IL1RAPL1: variants seen among roughly 807,000 people sequenced by gnomAD.
IL1RAPL1 encodes the protein interleukin 1 receptor accessory protein like 1.
A neutral mutation model predicts 48.4 loss-of-function variants in IL1RAPL1; 3 were observed. That is an observed-to-expected ratio of 0.06 (90% confidence interval 0.03 to 0.16). The LOEUF is 0.16. Among genes scored for constraint, IL1RAPL1 ranks in the 10% least tolerant of loss-of-function variants. The pLI, the probability that IL1RAPL1 is intolerant of heterozygous loss-of-function variation, is 1.00. For synonymous variants in IL1RAPL1, 185 were observed against 187.7 expected (o/e 0.99, Z 0.12); for missense variants, 349 against 530.6 (o/e 0.66, Z 3.36).
chrX:28,738,981 G>A (rs1935876650), intron 1 of IL1RAPL1, among the ~76,000 whole-genome samples: 1 of 110,661 alleles, frequency 9.0e-6, no homozygotes, highest in Admixed American at 9.7e-5. Flanking sequence ...CCATCTTGTA[G>A]TCTCAATTTA....
intron 2 of IL1RAPL1, among the ~76,000 whole-genome samples, chrX:29,028,460 G>A (rs1254350056): frequency 9.2e-6 from 1 of 108,986 alleles, no homozygotes; most frequent in African/African-American, 3.3e-5. Context: ...GCTAATTTTT[G>A]TATTTTTAGT....
At chrX:29,307,792 T>A (rs1283021739) in intron 3 of IL1RAPL1, among the ~76,000 whole-genome samples, 1 of 112,095 alleles carries the variant, frequency 8.9e-6, no homozygotes, top group Non-Finnish European at 1.9e-5. Flanking sequence ...ATAAAAGATA[T>A]ACCCAATTTT....
chrX:28,782,099 C>T (rs1292553557), intron 1 of IL1RAPL1, among the ~76,000 whole-genome samples: 1 of 110,423 alleles, frequency 9.1e-6, no homozygotes, highest in African/African-American at 3.3e-5. Context: ...ATTACCTATT[C>T]ACTTGATTTG....
At chrX:29,124,296 A>G (rs754573495) in intron 2 of IL1RAPL1, among the ~76,000 whole-genome samples, 29 of 112,529 alleles carry the variant, frequency 2.6e-4, no homozygotes, top group African/African-American at 9.3e-4. Flanking sequence ...CTAGAGCTCT[A>G]TGTATAAAAT....
At chrX:29,436,959 T>C (rs1335825123) in intron 5 of IL1RAPL1, among the ~76,000 whole-genome samples, 2 of 110,668 alleles carry the variant, frequency 1.8e-5, no homozygotes, top group African/African-American at 3.3e-5. Context: ...ATTAGTACCA[T>C]GTAATTTGGG....
chrX:29,730,900 G>A (rs987593259), intron 6 of IL1RAPL1, among the ~76,000 whole-genome samples: 1 of 112,098 alleles, frequency 8.9e-6, no homozygotes, highest in Non-Finnish European at 1.9e-5. Flanking sequence ...CTCAGTGACT[G>A]TTCTGCAATA....
intron 6 of IL1RAPL1, among the ~76,000 whole-genome samples, chrX:29,744,623 AT>A (rs1178815343): frequency 8.9e-6 from 1 of 112,437 alleles, no homozygotes; most frequent in African/African-American, 3.2e-5. Context: ...GTTTTTCACC[AT>A]TTCTGGTCAG....
chrX:28,738,225 A>G (rs1935868406), intron 1 of IL1RAPL1, among the ~76,000 whole-genome samples: 1 of 111,852 alleles, frequency 8.9e-6, no homozygotes, highest in Non-Finnish European at 1.9e-5. Flanking sequence ...TATGGGAACT[A>G]GAATTGTCCT....
chrX:28,695,943 C>T (rs1017779667), intron 1 of IL1RAPL1, among the ~76,000 whole-genome samples: 1 of 111,411 alleles, frequency 9.0e-6, no homozygotes, highest in East Asian at 2.8e-4. Flanking sequence ...TAAATGATGG[C>T]GTTGAAAAAT....
At chrX:29,594,679 AGT>A (rs1420436498) in intron 5 of IL1RAPL1, among the ~76,000 whole-genome samples, 2 of 111,548 alleles carry the variant, frequency 1.8e-5, no homozygotes, top group Admixed American at 1.9e-4. Context: ...TTATTACAAA[AGT>A]GTGTTTTTTA....
At chrX:29,381,926 C>T (rs1487458394) in intron 3 of IL1RAPL1, among the ~76,000 whole-genome samples, 1 of 102,411 alleles carries the variant, frequency 9.8e-6, no homozygotes, top group Non-Finnish European at 2.0e-5. Flanking sequence ...ACATCAGTAA[C>T]CACAAAGTCA....
intron 5 of IL1RAPL1, among the ~76,000 whole-genome samples, chrX:29,608,478 A>G (rs946315134): frequency 1.8e-5 from 2 of 109,806 alleles, no homozygotes; most frequent in Non-Finnish European, 1.9e-5. Flanking sequence ...AGAAAGGAGG[A>G]AAAGTAGGAA....
At chrX:28,884,905 A>C (rs1251906009) in intron 2 of IL1RAPL1, among the ~76,000 whole-genome samples, 1 of 111,930 alleles carries the variant, frequency 8.9e-6, no homozygotes, top group Non-Finnish European at 1.9e-5. Flanking sequence ...TTATCTGTCA[A>C]TTGGTATATA....
chrX:28,748,030 A>G (rs1434248133), intron 1 of IL1RAPL1, among the ~76,000 whole-genome samples: 1 of 112,248 alleles, frequency 8.9e-6, no homozygotes, highest in Non-Finnish European at 1.9e-5. Context: ...TCTATGGTTC[A>G]TCACATATTT....
intron 2 of IL1RAPL1, among the ~76,000 whole-genome samples, chrX:28,954,979 C>T (rs942817170): frequency 8.9e-6 from 1 of 111,851 alleles, no homozygotes. Context: ...TACACGTAAA[C>T]AGTAATGGAT....
chrX:29,170,563 G>T (rs1482730648), intron 2 of IL1RAPL1, among the ~76,000 whole-genome samples: 3 of 111,322 alleles, frequency 2.7e-5, no homozygotes, highest in Non-Finnish European at 3.8e-5. Context: ...TTATGAATAG[G>T]TTGGATGTCT....
chrX:29,849,980 C>T (rs1369078481), intron 6 of IL1RAPL1, among the ~76,000 whole-genome samples: 2 of 111,794 alleles, frequency 1.8e-5, no homozygotes, highest in South Asian at 3.8e-4. Flanking sequence ...ACAGATTTCT[C>T]TTCCTCTCCT....
At chrX:29,244,410 G>T (rs935789079) in intron 2 of IL1RAPL1, among the ~76,000 whole-genome samples, 1 of 112,272 alleles carries the variant, frequency 8.9e-6, no homozygotes, top group African/African-American at 3.2e-5. Context: ...TAAATTCATT[G>T]AATAGATTCT....
intron 3 of IL1RAPL1, among the ~76,000 whole-genome samples, chrX:29,320,646 G>A (rs753132575): frequency 1.8e-5 from 2 of 109,602 alleles, no homozygotes; most frequent in South Asian, 4.0e-4. Context: ...GCGTGGTGGC[G>A]TGTGCCTCAA....
Sources: allele counts gnomAD v4.1 joint callset (sites outside exome capture counted in the v4.1 genomes callset), GRCh38; gene constraint gnomAD v4.1.1; transcripts MANE v1.5; gene names NCBI Gene and HGNC (gene_info 2026-07-23, HGNC 2026-07-21).